MAF: variants seen among roughly 807,000 people sequenced by gnomAD.
MAF encodes transcription factor Maf.
Under a neutral mutation model 22.0 loss-of-function variants are expected in MAF, and 10 were observed. That is an observed-to-expected ratio of 0.45 (90% CI 0.28 to 0.77). The LOEUF is 0.77. MAF is among the 30% of genes least tolerant of loss of function. The pLI is 0.12. For missense variants in MAF, 544 were observed against 548.4 expected, an observed-to-expected ratio of 0.99 and a Z score of 0.08; for synonymous variants, 337 against 255.8, an observed-to-expected ratio of 1.32 and a Z score of -3.03.
the MAF span, among the ~76,000 whole-genome samples, chr16:79,427,534 G>T: frequency 3.9e-5 from 6 of 152,226 alleles, no homozygotes; most frequent in African/African-American, 1.2e-4. Flanking sequence ...GAGAGCTGGC[G>T]TGCATTGGCA....
At chr16:79,479,164 C>G in the MAF span, among the ~76,000 whole-genome samples, 1 of 150,630 alleles carries the variant, frequency 6.6e-6, no homozygotes, top group African/African-American at 2.4e-5. Flanking sequence ...TACCCGTATC[C>G]CATCTTAATG....
chr16:79,528,100 C>T, the MAF span, among the ~76,000 whole-genome samples: 1 of 152,168 alleles, frequency 6.6e-6, no homozygotes, highest in African/African-American at 2.4e-5. Context: ...CTAGATTATG[C>T]CATTGCATGC....
At chr16:79,506,520 C>G in the MAF span, among the ~76,000 whole-genome samples, 1 of 152,130 alleles carries the variant, frequency 6.6e-6, no homozygotes, top group Non-Finnish European at 1.5e-5. Flanking sequence ...TCATGCATAG[C>G]AGAGAGAATG....
the MAF span, among the ~76,000 whole-genome samples, chr16:79,229,924 T>C: frequency 6.6e-6 from 1 of 151,906 alleles, no homozygotes; most frequent in Admixed American, 6.6e-5. Flanking sequence ...ATAGGCCTTT[T>C]GCATGCAATG....
chr16:79,580,153 A>T, the MAF span, among the ~76,000 whole-genome samples: 14 of 152,106 alleles, frequency 9.2e-5, no homozygotes, highest in Admixed American at 2.0e-4. Flanking sequence ...TTTTTCTTCC[A>T]GGGTCAGGAC....
chr16:79,212,236 C>T, the MAF span: 2 of 1,357,052 alleles, frequency 1.5e-6, no homozygotes, highest in Non-Finnish European at 1.9e-6. Context: ...CTGCTCCTTG[C>T]TGCATTGATC....
the MAF span, among the ~76,000 whole-genome samples, chr16:79,476,387 C>A: frequency 2.0e-5 from 3 of 152,310 alleles, no homozygotes; most frequent in South Asian, 2.1e-4. Flanking sequence ...ATTTGCTACA[C>A]AGCAATAGGC....
chr16:79,433,526 T>C, the MAF span, among the ~76,000 whole-genome samples: 1 of 152,008 alleles, frequency 6.6e-6, no homozygotes, highest in East Asian at 1.9e-4. Context: ...ATGGAAGTGA[T>C]GCTTTTCTAG....
chr16:79,554,724 G>A, the MAF span, among the ~76,000 whole-genome samples: 1 of 152,122 alleles, frequency 6.6e-6, no homozygotes, highest in Non-Finnish European at 1.5e-5. Flanking sequence ...CCAGAAAAAT[G>A]ACCTTCGGGG....
the MAF span, among the ~76,000 whole-genome samples, chr16:79,220,203 C>G: frequency 7.2e-6 from 1 of 138,700 alleles, no homozygotes; most frequent in Non-Finnish European, 1.5e-5. Context: ...CTGCTGTGAG[C>G]TCAGATGGTG....
chr16:79,479,708 C>A, the MAF span, among the ~76,000 whole-genome samples: 2 of 152,290 alleles, frequency 1.3e-5, 1 homozygote, highest in Admixed American at 1.3e-4. Context: ...TTTGGTATTT[C>A]CCACAGGAGA....
the MAF span, among the ~76,000 whole-genome samples, chr16:79,566,359 C>T: frequency 6.6e-6 from 1 of 152,132 alleles, no homozygotes; most frequent in African/African-American, 2.4e-5. Flanking sequence ...TCGGAGGGGC[C>T]TGGGCTGGGA....
the MAF span, among the ~76,000 whole-genome samples, chr16:79,437,096 C>G: frequency 1.3e-5 from 2 of 152,188 alleles, no homozygotes; most frequent in Non-Finnish European, 2.9e-5. Flanking sequence ...GCCCTGCCCA[C>G]TCTCAAGGCA....
chr16:79,589,156 G>C (rs1252242149), downstream of MAF, among the ~76,000 whole-genome samples: 2 of 152,072 alleles, frequency 1.3e-5, no homozygotes, highest in African/African-American at 4.8e-5. Context: ...CAAACCGAGG[G>C]TCCCTCTAAG....
At chr16:79,307,659 C>T in the MAF span, among the ~76,000 whole-genome samples, 1 of 152,126 alleles carries the variant, frequency 6.6e-6, no homozygotes, top group East Asian at 1.9e-4. Flanking sequence ...ATATATATAA[C>T]CACACAATGG....
chr16:79,540,619 C>G, the MAF span, among the ~76,000 whole-genome samples: 3 of 152,170 alleles, frequency 2.0e-5, no homozygotes, highest in East Asian at 5.8e-4. Flanking sequence ...GAAGCCAGAC[C>G]ACTTTGCTGG....
the MAF span, among the ~76,000 whole-genome samples, chr16:79,437,127 G>C: frequency 6.9e-6 from 1 of 145,504 alleles, no homozygotes; most frequent in Admixed American, 7.1e-5. Context: ...ACTAAAATGG[G>C]AGAAAGCTCT....
the MAF span, among the ~76,000 whole-genome samples, chr16:79,569,469 T>C: frequency 1.4e-4 from 22 of 152,208 alleles, no homozygotes; most frequent in African/African-American, 5.3e-4. Flanking sequence ...CTTTAGTTAC[T>C]GAAGGCAGAG....
the MAF span, among the ~76,000 whole-genome samples, chr16:79,368,640 C>T: frequency 1.3e-5 from 2 of 152,150 alleles, no homozygotes; most frequent in Non-Finnish European, 2.9e-5. Context: ...AGCCCTGGTG[C>T]TCTTTTGCTT....
Sources: allele counts gnomAD v4.1 joint callset (sites outside exome capture counted in the v4.1 genomes callset), GRCh38; gene constraint gnomAD v4.1.1; transcripts MANE v1.5; gene names NCBI Gene and HGNC (gene_info 2026-07-23, HGNC 2026-07-21).